Variants in ZNF362 observed in about 807,000 individuals in gnomAD.
The protein encoded by ZNF362 is rotund homolog.
A neutral mutation model predicts 42.9 loss-of-function variants in ZNF362; 11 were observed. That is an observed-to-expected ratio of 0.26 (90% CI 0.16 to 0.42). The LOEUF (loss-of-function observed/expected upper bound fraction) is 0.42, where lower values mean the gene tolerates loss of function less well. Ranked by LOEUF, ZNF362 falls within the 20% of genes least tolerant of loss-of-function variation. ZNF362 has a pLI of 1.00. For synonymous variants in ZNF362, 255 were observed against 257.3 expected (o/e 0.99, Z 0.09); for missense variants, 362 against 576.2 (o/e 0.63, Z 3.81).
chr1:33,217,363 C>A, the ZNF362 span, among the ~76,000 whole-genome samples: 11 of 152,308 alleles, frequency 7.2e-5, no homozygotes, highest in East Asian at 2.1e-3. Flanking sequence ...CTTGCCCAAT[C>A]TGAGCCATGT....
chr1:33,144,867 G>A, the ZNF362 span, among the ~76,000 whole-genome samples: 19,790 of 152,160 alleles, frequency 0.13, 1,576 homozygotes, highest in Non-Finnish European at 0.18. Flanking sequence ...AACCCATACA[G>A]CTCCAGGCAC....
the ZNF362 span, among the ~76,000 whole-genome samples, chr1:33,183,218 C>T: frequency 1.1e-4 from 17 of 152,178 alleles, no homozygotes; most frequent in East Asian, 1.2e-3. Context: ...TGGTTGGATA[C>T]GGGGGTGAGG....
chr1:33,257,179 A>G (rs1165797175), intron 1 of ZNF362, among the ~76,000 whole-genome samples: 1 of 151,896 alleles, frequency 6.6e-6, no homozygotes, highest in African/African-American at 2.4e-5. Flanking sequence ...TTTGTCTGAA[A>G]ATTTTAATAA....
chr1:33,244,458 G>A, the ZNF362 span, among the ~76,000 whole-genome samples: 1 of 152,152 alleles, frequency 6.6e-6, no homozygotes, highest in South Asian at 2.1e-4. This position sits in a 1 kb window ranked among gnomAD's most constrained non-coding sequence, Gnocchi z 4.0. Flanking sequence ...TTTAATCACT[G>A]GGCATACTAC....
the ZNF362 span, among the ~76,000 whole-genome samples, chr1:33,170,136 C>T: frequency 6.6e-6 from 1 of 152,134 alleles, no homozygotes; most frequent in African/African-American, 2.4e-5. Context: ...TCAAAACCAG[C>T]CTGGCCAACA....
chr1:33,146,821 C>T, the ZNF362 span: 1 of 318,890 alleles, frequency 3.1e-6, no homozygotes, highest in East Asian at 7.0e-5. Flanking sequence ...TGGCCATGCT[C>T]TGACACTTCC....
At chr1:33,233,420 T>G in the ZNF362 span, among the ~76,000 whole-genome samples, 1 of 152,038 alleles carries the variant, frequency 6.6e-6, no homozygotes, top group Admixed American at 6.5e-5. Flanking sequence ...TTTTTTTTTT[T>G]TGAAACAGAG....
chr1:33,249,837 C>G, the ZNF362 span, among the ~76,000 whole-genome samples: 22 of 152,122 alleles, frequency 1.4e-4, no homozygotes, highest in Admixed American at 1.4e-3. Flanking sequence ...CTGGCCTAAC[C>G]CACACGTTCT....
chr1:33,198,353 A>T, the ZNF362 span, among the ~76,000 whole-genome samples: 14 of 152,234 alleles, frequency 9.2e-5, no homozygotes, highest in South Asian at 2.7e-3. Context: ...TAAATTTAAA[A>T]AACAAAAATA....
At chr1:33,163,618 G>A in the ZNF362 span, 1 of 152,142 alleles carries the variant, frequency 6.6e-6, no homozygotes, top group Non-Finnish European at 1.5e-5. Context: ...CACATCCCTT[G>A]GAACACCCTA....
chr1:33,177,276 A>G, the ZNF362 span, among the ~76,000 whole-genome samples: 3 of 152,210 alleles, frequency 2.0e-5, no homozygotes, highest in Non-Finnish European at 4.4e-5. This position sits in a 1 kb window ranked among gnomAD's most constrained non-coding sequence, Gnocchi z 4.1. Context: ...TTATAATCAG[A>G]ATAAAGACAT....
upstream of ZNF362, among the ~76,000 whole-genome samples, chr1:33,251,749 C>T (rs1050158483): frequency 1.3e-5 from 2 of 152,224 alleles, no homozygotes; most frequent in Admixed American, 6.5e-5. Flanking sequence ...AAACACTCTT[C>T]CCTGGTGTCA....
chr1:33,294,868 G>A lies in ZNF362; in HGVS notation c.909-69G>A, dbSNP rs1174679323. 4 of 1,566,488 alleles carry A rather than the reference G, an allele frequency of 2.6e-6. No individual in the cohort carries two copies. The highest frequency in any genetic ancestry group is 1.4e-5 in the African/African-American group (1 of 73,954). ...CGAGAGGCTTAGGGGCCAGAGTAAG[G>A]ACTTGGGAACTGGAGCGGTCTTGGG... On this transcript the variant is annotated intron_variant, in intron 6 of 8. Transcript: ENST00000539719. This position sits in a 1 kb window ranked among gnomAD's most constrained non-coding sequence, Gnocchi z 4.2.
chr1:33,183,118 G>A, the ZNF362 span, among the ~76,000 whole-genome samples: 10 of 152,304 alleles, frequency 6.6e-5, no homozygotes, highest in African/African-American at 2.4e-4. Flanking sequence ...CATCGTGCCT[G>A]CAGGAGGTGA....
chr1:33,252,555 T>C (rs953287762), upstream of ZNF362, among the ~76,000 whole-genome samples: 26 of 152,200 alleles, frequency 1.7e-4, no homozygotes, highest in African/African-American at 6.3e-4. Context: ...AAATGACTCT[T>C]GTGCTATGTC....
chr1:33,195,064 A>G, the ZNF362 span: 1 of 152,252 alleles, frequency 6.6e-6, no homozygotes, highest in Non-Finnish European at 1.5e-5. Context: ...GCCATCAGAA[A>G]TGAAACATCC....
chr1:33,173,872 A>G, the ZNF362 span, among the ~76,000 whole-genome samples: 1 of 151,332 alleles, frequency 6.6e-6, no homozygotes, highest in East Asian at 2.0e-4. Context: ...AATTTTTAAA[A>G]ATTTATTGTA....
the ZNF362 span, chr1:33,181,346 G>A: frequency 1.3e-6 from 2 of 1,587,648 alleles, no homozygotes; most frequent in Non-Finnish European, 8.5e-7. The surrounding 1 kb of genome is among the most constrained non-coding windows in gnomAD (Gnocchi z 6.5). Context: ...GGCGGCAGAA[G>A]TAATGCTCGC....
chr1:33,209,362 G>T, the ZNF362 span, among the ~76,000 whole-genome samples: 756 of 152,284 alleles, frequency 5.0e-3, 1 homozygote, highest in Non-Finnish European at 7.4e-3. Flanking sequence ...GTTCATCAGG[G>T]ATATTGGCCT....
Sources: gnomAD v4.1 joint callset for allele counts (sites outside exome capture counted in the v4.1 genomes callset) on GRCh38, gnomAD v4.1.1 for gene constraint, Gnocchi (gnomAD v3.1) non-coding constraint, MANE v1.5 for transcripts, NCBI Gene and HGNC (gene_info 2026-07-23, HGNC 2026-07-21) for gene names.